WFDC9: variants seen among roughly 807,000 people sequenced by gnomAD.
The protein encoded by WFDC9 is WAP four-disulfide core domain 9.
WFDC9 carries 9 observed loss-of-function variants against 9.5 expected under a neutral mutation model. That is an observed-to-expected ratio of 0.95 (90% CI 0.57 to 1.65). The LOEUF (loss-of-function observed/expected upper bound fraction) is 1.65, where lower values mean the gene tolerates loss of function less well. Among genes scored for constraint, WFDC9 ranks in the 40% most tolerant of loss-of-function variants. WFDC9 has a pLI of 0.00. For synonymous variants in WFDC9, 33 were observed against 32.3 expected (o/e 1.02, Z -0.07); for missense variants, 87 against 106.7 (o/e 0.82, Z 0.81).
At chr20:45,615,309 A>G (rs140038554) in intron 1 of WFDC9, among the ~76,000 whole-genome samples, 3 of 152,190 alleles carry the variant, frequency 2.0e-5, no homozygotes, top group Non-Finnish European at 2.9e-5. Flanking sequence ...GAAGGGCATT[A>G]TATTGGGCAC....
In WFDC9 at chr20:45,631,244, T is replaced by G. The variant is rs1441588209; in HGVS notation, c.-194A>C. 5.1e-6 allele frequency: 2 copies of G among 388,912 alleles called. No individual in the cohort carries two copies. Among genetic ancestry groups the G allele is most frequent in the Non-Finnish European group, 8.9e-6 (2 of 224,998 alleles). 24.1% of individuals were successfully genotyped at this position (388,912 alleles called of 1,614,324 possible). ...ACAGATGATCATTGAGAGCTCACTGTGGCCCCTACAGATGCCCCACTTGTC... is the reference window on the plus strand; with the variant it reads ...ACAGATGATCATTGAGAGCTCACTGGGGCCCCTACAGATGCCCCACTTGTC... On this transcript the variant is annotated 5_prime_UTR_variant, in exon 1 of 5. Transcript: ENST00000326000.
Position 45,608,728 on chromosome 20 carries a change from C to A in WFDC9, c.174G>T (p.Met58Ile). The A allele has an allele frequency of 1.2e-6, 2 of 1,614,094 alleles. No homozygotes were observed. The highest frequency in any genetic ancestry group is 1.7e-6 in the Non-Finnish European group (2 of 1,179,970). The stretch of plus-strand genomic sequence containing the variant: ...ATGTATGATTTGGACGTACACAAGT[C>A]ATTATTTTAGTACACCTTTTCTCAC... ...KYCEKRCTKI[M>I]TCVRPNHTCC... The change falls in exon 4 of 5, where the codon ATG (methionine) becomes ATT (isoleucine). Residue 58 changes from methionine (M) to isoleucine (I), a missense_variant. Coordinates refer to ENST00000326000, the MANE Select transcript of WFDC9 (RefSeq NM_147198.4).
chr20:45,610,304 T>C, intron 2 of WFDC9, 65 bp from the exon 3 acceptor site: 2 of 757,624 alleles, frequency 2.6e-6, no homozygotes. Flanking sequence ...TGCTTATGAC[T>C]ATCATGTTAT....
At chr20:45,630,056 A>G (rs1053336345) in intron 1 of WFDC9, 3 of 1,087,210 alleles carry the variant, frequency 2.8e-6, no homozygotes, top group South Asian at 1.9e-5. Context: ...TCCCTAAACC[A>G]TGGCCCTCCA....
chr20:45,611,865 A>C (rs535066968), intron 2 of WFDC9, among the ~76,000 whole-genome samples: 9 of 152,278 alleles, frequency 5.9e-5, no homozygotes, highest in African/African-American at 2.2e-4. Flanking sequence ...ACTCTAGGCT[A>C]TACAAAGGTA....
chr20:45,630,004 C>T, intron 1 of WFDC9: 1 of 1,484,350 alleles, frequency 6.7e-7, no homozygotes, highest in Non-Finnish European at 9.1e-7. Context: ...AAACTCTCTG[C>T]ATATCCAGCT....
intron 3 of WFDC9, 151 bp from the exon 4 acceptor site, chr20:45,608,961 T>C (rs1672247774): frequency 1.2e-6 from 1 of 866,440 alleles, no homozygotes; most frequent in Non-Finnish European, 1.7e-6. Context: ...TTATAACCAG[T>C]GTCTTGTCAC....
intron 1 of WFDC9, among the ~76,000 whole-genome samples, chr20:45,623,554 G>C (rs1982147777): frequency 1.3e-5 from 2 of 151,896 alleles, no homozygotes; most frequent in Admixed American, 1.3e-4. Flanking sequence ...TTTAACTCAG[G>C]GGGCGGAGGT....
chr20:45,617,029 A>G (rs1981987757), intron 1 of WFDC9, among the ~76,000 whole-genome samples: 1 of 152,188 alleles, frequency 6.6e-6, no homozygotes, highest in African/African-American at 2.4e-5. Context: ...AAAGTTCTAG[A>G]TGGCATCTTC....
At chr20:45,624,865 G>A (rs1300322029) in intron 1 of WFDC9, among the ~76,000 whole-genome samples, 1 of 152,086 alleles carries the variant, frequency 6.6e-6, no homozygotes, top group South Asian at 2.1e-4. Flanking sequence ...TCATATATTT[G>A]TTGGTCATTT....
At position 45,631,183 on chromosome 20, in the gene WFDC9, C is replaced by G; in HGVS notation, c.-153+20G>C. The stretch of plus-strand genomic sequence containing the variant: ...CTTGTCCCTGTCAAATAAACCAGAA[C>G]AAATGCCCAGGGATCCTACCTCTTT... On this transcript the variant is annotated intron_variant, in intron 1 of 4. Coordinates refer to ENST00000326000, the MANE Select transcript of WFDC9 (RefSeq NM_147198.4). 2.8e-6 allele frequency: 2 copies of G among 702,796 alleles called. No individual in the cohort carries two copies. The highest frequency in any genetic ancestry group is 2.1e-6 in the Non-Finnish European group (1 of 486,278). 43.5% of individuals were successfully genotyped at this position (702,796 alleles called of 1,614,324 possible).
intron 1 of WFDC9, chr20:45,630,812 T>G: frequency 6.6e-7 from 1 of 1,504,930 alleles, no homozygotes; most frequent in Non-Finnish European, 8.9e-7. Context: ...AGGCTTCAGC[T>G]TGAGAAAAAT....
At chr20:45,615,008 A>G (rs1981942736) in intron 1 of WFDC9, among the ~76,000 whole-genome samples, 1 of 152,168 alleles carries the variant, frequency 6.6e-6, no homozygotes, top group South Asian at 2.1e-4. Flanking sequence ...GTCCATTCAT[A>G]TGTAGGAAGT....
At chr20:45,629,651 C>CA (rs1982306707) in intron 1 of WFDC9, 2 of 855,282 alleles carry the variant, frequency 2.3e-6, no homozygotes, top group Non-Finnish European at 3.5e-6. Flanking sequence ...CAGGGGCAAG[C>CA]AAAAAGAGGA....
intron 1 of WFDC9, chr20:45,630,005 A>G: frequency 6.7e-7 from 1 of 1,486,586 alleles, no homozygotes; most frequent in East Asian, 2.5e-5. Context: ...AACTCTCTGC[A>G]TATCCAGCTC....
At chr20:45,611,385 G>A (rs564346993) in intron 2 of WFDC9, among the ~76,000 whole-genome samples, 51 of 152,274 alleles carry the variant, frequency 3.3e-4, no homozygotes, top group African/African-American at 1.2e-3. Context: ...TTATGTAGTT[G>A]TGACTAATTT....
chr20:45,622,727 C>G (rs76331330), intron 1 of WFDC9, among the ~76,000 whole-genome samples: 3 of 151,954 alleles, frequency 2.0e-5, no homozygotes, highest in Non-Finnish European at 2.9e-5. Flanking sequence ...ATAAATGATG[C>G]CAATATCTAC....
intron 1 of WFDC9, among the ~76,000 whole-genome samples, chr20:45,622,697 A>G (rs916019849): frequency 6.6e-6 from 1 of 152,220 alleles, no homozygotes; most frequent in African/African-American, 2.4e-5. Context: ...TAAACACAAC[A>G]TAGCCATCAA....
chr20:45,624,412 G>C (rs910425679), intron 1 of WFDC9, among the ~76,000 whole-genome samples: 1 of 152,114 alleles, frequency 6.6e-6, no homozygotes, highest in Non-Finnish European at 1.5e-5. Flanking sequence ...CCTTTTTGTG[G>C]CTGAATAGGA....
Sources: allele counts gnomAD v4.1 joint callset (sites outside exome capture counted in the v4.1 genomes callset), GRCh38; gene constraint gnomAD v4.1.1; transcripts MANE v1.5; gene names NCBI Gene and HGNC (gene_info 2026-07-23, HGNC 2026-07-21).